Variants in PTPRD observed in about 807,000 individuals in gnomAD.
PTPRD encodes receptor-type tyrosine-protein phosphatase delta.
A neutral mutation model predicts 214.5 loss-of-function variants in PTPRD; 34 were observed. The ratio of observed to expected loss-of-function variants is 0.16; its 90% CI spans 0.12 to 0.21. The LOEUF (loss-of-function observed/expected upper bound fraction) is 0.21, where lower values mean the gene tolerates loss of function less well. Among genes scored for constraint, PTPRD ranks in the 10% least tolerant of loss-of-function variants. The pLI is 1.00. For synonymous variants in PTPRD, 1,128 were observed against 845.7 expected (o/e 1.33, Z -5.79); for missense variants, 2,545 against 2,398.7 (o/e 1.06, Z -1.27).
intron 44 of PTPRD, among the ~76,000 whole-genome samples, chr9:8,329,216 G>T (rs190526496): frequency 1.3e-5 from 2 of 151,938 alleles, no homozygotes; most frequent in Non-Finnish European, 2.9e-5. Context: ...GGGGTCTCTG[G>T]GTGGACGTGC....
intron 4 of PTPRD, among the ~76,000 whole-genome samples, chr9:10,009,841 T>C (rs2096560902): frequency 6.6e-6 from 1 of 151,948 alleles, no homozygotes; most frequent in Non-Finnish European, 1.5e-5. Context: ...TAGAGTCTGC[T>C]TGGAATTTGG....
intron 10 of PTPRD, among the ~76,000 whole-genome samples, chr9:9,177,933 A>G (rs962443082): frequency 1.3e-5 from 2 of 152,166 alleles, no homozygotes; most frequent in African/African-American, 4.8e-5. Context: ...ATTTAATTGT[A>G]GGCATCAATT....
intron 11 of PTPRD, among the ~76,000 whole-genome samples, chr9:8,886,952 T>G (rs1355824343): frequency 6.6e-6 from 1 of 152,198 alleles, no homozygotes; most frequent in Non-Finnish European, 1.5e-5. Flanking sequence ...GACTAAAAAA[T>G]AATATGAAGC....
At chr9:8,451,918 CT>C in intron 33 of PTPRD, 1 of 495,386 alleles carries the variant, frequency 2.0e-6, no homozygotes. Flanking sequence ...GGGTAACCTC[CT>C]TATCTTCTTT....
At chr9:9,926,473 C>A (rs983949757) in intron 5 of PTPRD, among the ~76,000 whole-genome samples, 1 of 151,526 alleles carries the variant, frequency 6.6e-6, no homozygotes, top group Non-Finnish European at 1.5e-5. Context: ...GATCTTGGAA[C>A]GATGTATTTT....
intron 9 of PTPRD, among the ~76,000 whole-genome samples, chr9:9,294,720 T>C (rs1952415913): frequency 6.6e-6 from 1 of 151,674 alleles, no homozygotes; most frequent in Non-Finnish European, 1.5e-5. Context: ...GATCTTAGAC[T>C]TCTCAGCCTT....
At chr9:10,264,231 G>A (rs2093898828) in intron 3 of PTPRD, among the ~76,000 whole-genome samples, 1 of 152,160 alleles carries the variant, frequency 6.6e-6, no homozygotes, top group African/African-American at 2.4e-5. Flanking sequence ...CTGCCTAGTG[G>A]AGCTGTAAGA....
intron 14 of PTPRD, among the ~76,000 whole-genome samples, chr9:8,567,642 A>C (rs989719509): frequency 6.6e-6 from 1 of 152,196 alleles, no homozygotes; most frequent in Admixed American, 6.5e-5. Context: ...GTAATCTCCT[A>C]TTCTAGACTG....
chr9:10,195,859 T>C (rs1013369060), intron 3 of PTPRD, among the ~76,000 whole-genome samples: 1 of 152,100 alleles, frequency 6.6e-6, no homozygotes. Context: ...CCAACACGGA[T>C]GAATTACAAA....
At chr9:8,680,647 C>T (rs978449822) in intron 12 of PTPRD, among the ~76,000 whole-genome samples, 1 of 152,130 alleles carries the variant, frequency 6.6e-6, no homozygotes, top group East Asian at 1.9e-4. Flanking sequence ...TACAATTATA[C>T]TACCTAGCAA....
chr9:8,433,939 G>C (rs1042792184), intron 35 of PTPRD, among the ~76,000 whole-genome samples: 1 of 152,084 alleles, frequency 6.6e-6, no homozygotes, highest in Non-Finnish European at 1.5e-5. Flanking sequence ...AGTCTTGCAA[G>C]CTCCATTCAT....
intron 9 of PTPRD, among the ~76,000 whole-genome samples, chr9:9,225,711 G>A (rs943691568): frequency 1.3e-5 from 2 of 151,990 alleles, no homozygotes; most frequent in Non-Finnish European, 2.9e-5. Context: ...TTTCACAACA[G>A]GAAGATGGAA....
intron 11 of PTPRD, among the ~76,000 whole-genome samples, chr9:9,012,248 A>G (rs912065864): frequency 6.6e-6 from 1 of 152,176 alleles, no homozygotes. Context: ...TTAAGCCTCC[A>G]GATGAGAACC....
chr9:9,234,645 A>T (rs977245541), intron 9 of PTPRD, among the ~76,000 whole-genome samples: 10 of 151,962 alleles, frequency 6.6e-5, no homozygotes, highest in Non-Finnish European at 1.5e-4. Flanking sequence ...CCCTAAATCA[A>T]CTCTCTCAAG....
chr9:10,143,080 A>C (rs377500541), intron 3 of PTPRD, among the ~76,000 whole-genome samples: 2 of 151,966 alleles, frequency 1.3e-5, no homozygotes, highest in African/African-American at 2.4e-5. Flanking sequence ...ACAATGAGAA[A>C]ACATGGACAC....
chr9:10,514,532 T>C (rs923342353), intron 2 of PTPRD, among the ~76,000 whole-genome samples: 2 of 152,008 alleles, frequency 1.3e-5, no homozygotes, highest in East Asian at 1.9e-4. Context: ...TTTTTTATTT[T>C]ATTGCAGTAA....
chr9:9,116,142 C>A (rs1041523756), intron 10 of PTPRD, among the ~76,000 whole-genome samples: 1 of 152,066 alleles, frequency 6.6e-6, no homozygotes, highest in East Asian at 1.9e-4. Context: ...TCATTCATAT[C>A]TGAAACCTCA....
rs915031635 is a variant in PTPRD, at chr9:8,315,191, A to G, written c.*2683T>C. The G allele has an allele frequency of 2.6e-5, 6 of 232,680 alleles. No individual in the cohort carries two copies. The highest frequency in any genetic ancestry group is 6.0e-5 in the East Asian group (1 of 16,566). The allele number at this position is 232,680 out of a possible 1,614,324, so 14.4% of individuals were successfully genotyped here. ...AAAGCACAGAGTGGAATGCACATCA[A>G]TGACAGTAAGGGAGTTAGTTCTAGG... On this transcript the variant is annotated 3_prime_UTR_variant, in exon 46 of 46. Transcript: ENST00000381196.
intron 36 of PTPRD, among the ~76,000 whole-genome samples, chr9:8,395,185 G>C (rs2090774754): frequency 6.6e-6 from 1 of 152,114 alleles, no homozygotes; most frequent in Admixed American, 6.6e-5. Context: ...TTTGTTGTAA[G>C]ACAGAAGTAC....
Sources: allele counts gnomAD v4.1 joint callset (sites outside exome capture counted in the v4.1 genomes callset), GRCh38; gene constraint gnomAD v4.1.1; transcripts MANE v1.5; gene names NCBI Gene and HGNC (gene_info 2026-07-23, HGNC 2026-07-21).